FBXL7: variants seen among roughly 807,000 people sequenced by gnomAD.
FBXL7 encodes F-box and leucine rich repeat protein 7.
A neutral mutation model predicts 38.3 loss-of-function variants in FBXL7; 12 were observed. The ratio of observed to expected loss-of-function variants is 0.31; its 90% CI spans 0.20 to 0.51. The LOEUF is 0.51. FBXL7 is among the 20% of genes least tolerant of loss of function. FBXL7 has a pLI of 0.98. For missense variants in FBXL7, 567 were observed against 676.4 expected (o/e 0.84, Z 1.79); for synonymous variants, 297 against 300.9 (o/e 0.99, Z 0.13).
intron 2 of FBXL7, among the ~76,000 whole-genome samples, chr5:15,840,242 A>G (rs1738706168): frequency 6.6e-6 from 1 of 152,082 alleles, no homozygotes; most frequent in African/African-American, 2.4e-5. Flanking sequence ...AGTCTTTTTT[A>G]TGTGCTTTTT....
intron 2 of FBXL7, among the ~76,000 whole-genome samples, chr5:15,618,756 T>C (rs1223660471): frequency 6.6e-6 from 1 of 152,158 alleles, no homozygotes; most frequent in Non-Finnish European, 1.5e-5. Context: ...ACTCAGACTG[T>C]TAGCACTGGA....
At chr5:15,619,829 G>C (rs1339166313) in intron 2 of FBXL7, among the ~76,000 whole-genome samples, 2 of 152,190 alleles carry the variant, frequency 1.3e-5, no homozygotes, top group Non-Finnish European at 2.9e-5. Flanking sequence ...GATAGGGAGG[G>C]TTCACATTGC....
At chr5:15,896,672 T>C (rs1741111240) in intron 2 of FBXL7, among the ~76,000 whole-genome samples, 1 of 152,090 alleles carries the variant, frequency 6.6e-6, no homozygotes, top group Non-Finnish European at 1.5e-5. Flanking sequence ...CTGTTGTTAT[T>C]GACAAGCATC....
intron 2 of FBXL7, among the ~76,000 whole-genome samples, chr5:15,752,774 CT>C (rs1341334500): frequency 4.6e-5 from 7 of 152,274 alleles, no homozygotes; most frequent in East Asian, 1.9e-4. Flanking sequence ...AAATTCACCC[CT>C]AACCTCAGTT....
intron 2 of FBXL7, among the ~76,000 whole-genome samples, chr5:15,822,322 A>G (rs1261203082): frequency 6.6e-6 from 1 of 152,070 alleles, no homozygotes; most frequent in Non-Finnish European, 1.5e-5. Context: ...AGATCACACC[A>G]TTGCACTCCA....
chr5:15,921,296 A>ACTTCAGC (rs1237746952), intron 2 of FBXL7, among the ~76,000 whole-genome samples: 1 of 150,346 alleles, frequency 6.7e-6, no homozygotes, highest in Non-Finnish European at 1.5e-5. Context: ...CAGGAGAATC[A>ACTTCAGC]CTTCAGCTGG....
rs542252849 is a variant in FBXL7 at position 15,932,713 on chromosome 5, C to T, written c.740-3737C>T. 4.6e-4 allele frequency among the ~76,000 whole-genome samples: 70 copies of T among 152,272 alleles called. 1 individual carries two copies. The East Asian group carries it at 9.9e-3, about 21-fold the overall frequency. ...TGTCTATTATCTTACTACCTGGACT[C>T]CATATCTATTAATATATATGCAAAT... On this transcript the variant is annotated intron_variant, in intron 3 of 3. Coordinates refer to ENST00000504595, the MANE Select transcript of FBXL7 (RefSeq NM_012304.5).
intron 2 of FBXL7, among the ~76,000 whole-genome samples, chr5:15,769,869 G>T (rs184036214): frequency 6.6e-6 from 1 of 152,138 alleles, no homozygotes; most frequent in Non-Finnish European, 1.5e-5. Flanking sequence ...TAACATTTAG[G>T]TAAGCAGGCC....
intron 3 of FBXL7, among the ~76,000 whole-genome samples, chr5:15,931,422 A>G (rs1267899373): frequency 6.6e-6 from 1 of 152,140 alleles, no homozygotes; most frequent in African/African-American, 2.4e-5. Flanking sequence ...CAACCAGTAG[A>G]GTCCTGTTCA....
chr5:15,775,380 C>CAT (rs1048902153), intron 2 of FBXL7, among the ~76,000 whole-genome samples: 8 of 145,596 alleles, frequency 5.5e-5, no homozygotes, highest in African/African-American at 1.0e-4. Flanking sequence ...CCTACCCCAC[C>CAT]ATATACACAC....
At chr5:15,924,504 T>C (rs755108543) in intron 2 of FBXL7, among the ~76,000 whole-genome samples, 13 of 152,162 alleles carry the variant, frequency 8.5e-5, no homozygotes, top group Non-Finnish European at 1.6e-4. Flanking sequence ...TTTAAAAACA[T>C]TGTTTATGCT....
At chr5:15,857,888 T>C (rs1185548162) in intron 2 of FBXL7, among the ~76,000 whole-genome samples, 1 of 149,760 alleles carries the variant, frequency 6.7e-6, no homozygotes, top group Non-Finnish European at 1.5e-5. Flanking sequence ...CTGGTATATG[T>C]GTATATGTGT....
intron 1 of FBXL7, among the ~76,000 whole-genome samples, chr5:15,543,835 G>C (rs1737825575): frequency 2.0e-5 from 3 of 152,156 alleles, no homozygotes. Context: ...GGTTCTCAAA[G>C]CTAAATAGGC....
chr5:15,856,842 G>C (rs560190819), intron 2 of FBXL7, among the ~76,000 whole-genome samples: 2 of 151,912 alleles, frequency 1.3e-5, no homozygotes, highest in African/African-American at 4.8e-5. Flanking sequence ...CTTTTGAATA[G>C]CTATAAATTA....
chr5:15,541,557 T>G (rs1207856259), intron 1 of FBXL7, among the ~76,000 whole-genome samples: 1 of 140,718 alleles, frequency 7.1e-6, no homozygotes, highest in Non-Finnish European at 1.6e-5. Flanking sequence ...TTTTTTTTTT[T>G]TTTTTGAGAC....
chr5:15,810,969 C>G lies in FBXL7; in HGVS notation c.128-116921C>G, dbSNP rs76796171. 5.9e-3 allele frequency among the ~76,000 whole-genome samples: 895 copies of G among 152,214 alleles called. 7 individuals are homozygous for G. The highest frequency in any genetic ancestry group is 0.02 in the African/African-American group (847 of 41,538). ...TTTTCATCCTTTCTATCTTTCCTAA[C>G]AAAAGCAAACACACAAATTGATGCT... is the stretch of plus-strand genomic sequence containing the variant. On this transcript the variant is annotated intron_variant, in intron 2 of 3. Coordinates refer to ENST00000504595, the MANE Select transcript of FBXL7 (RefSeq NM_012304.5).
chr5:15,788,704 T>C (rs995502355), intron 2 of FBXL7, among the ~76,000 whole-genome samples: 1 of 151,958 alleles, frequency 6.6e-6, no homozygotes, highest in Non-Finnish European at 1.5e-5. Context: ...TTTTTTTTTT[T>C]CTTTGACGGA....
chr5:15,898,802 A>G (rs1223844894), intron 2 of FBXL7, among the ~76,000 whole-genome samples: 1 of 152,190 alleles, frequency 6.6e-6, no homozygotes, highest in Non-Finnish European at 1.5e-5. Context: ...ATGCGTTTGC[A>G]GCGCCATTTC....
chr5:15,906,637 G>C (rs1205232310), intron 2 of FBXL7, among the ~76,000 whole-genome samples: 1 of 124,800 alleles, frequency 8.0e-6, no homozygotes, highest in Non-Finnish European at 1.7e-5. Context: ...TCTAGCATTA[G>C]GTATATCTCC....
Sources: gnomAD v4.1 joint callset for allele counts (sites outside exome capture counted in the v4.1 genomes callset) on GRCh38, gnomAD v4.1.1 for gene constraint, MANE v1.5 for transcripts, NCBI Gene and HGNC (gene_info 2026-07-23, HGNC 2026-07-21) for gene names.